The following TLN2 variants were observed in gnomAD, a reference collection of about 807,000 sequenced individuals.
TLN2 encodes talin 2, also known as talin-2.
Under a neutral mutation model 294.7 loss-of-function variants are expected in TLN2, and 118 were observed. That is an observed-to-expected ratio of 0.40 (90% CI 0.34 to 0.47). The LOEUF (loss-of-function observed/expected upper bound fraction) is 0.47. TLN2 is among the 20% of genes least tolerant of loss of function. The pLI is 0.84. For missense variants in TLN2, 3,083 were observed against 3,282.2 expected (o/e 0.94, Z 1.48); for synonymous variants, 1,431 against 1,304.5 (o/e 1.10, Z -2.09).
At chr15:62,779,562 A>T in intron 43 of TLN2, among the ~76,000 whole-genome samples, 1 of 152,212 alleles carries the variant, frequency 6.6e-6, no homozygotes, top group East Asian at 1.9e-4. Flanking sequence ...GACTAGTTAA[A>T]GGTTCTTTGG....
chr15:62,412,496 G>T (rs965852957), intron 1 of TLN2, among the ~76,000 whole-genome samples: 2 of 152,172 alleles, frequency 1.3e-5, no homozygotes, highest in Non-Finnish European at 2.9e-5. Context: ...GGAGACAGGA[G>T]CATGTGTTTT....
intron 1 of TLN2, among the ~76,000 whole-genome samples, chr15:62,402,061 T>C (rs2033064712): frequency 6.6e-6 from 1 of 152,178 alleles, no homozygotes. Flanking sequence ...CTAGTGTCTT[T>C]GAAGTGTTTT....
chr15:62,554,136 A>C (rs1306102635), intron 1 of TLN2, among the ~76,000 whole-genome samples: 1 of 151,922 alleles, frequency 6.6e-6, no homozygotes, highest in Non-Finnish European at 1.5e-5. Context: ...AATTATTACA[A>C]CAGTTGTTTC....
intron 33 of TLN2, among the ~76,000 whole-genome samples, chr15:62,749,737 A>C (rs1410095638): frequency 6.6e-6 from 1 of 152,194 alleles, no homozygotes; most frequent in Non-Finnish European, 1.5e-5. Flanking sequence ...TCCCCAGGAA[A>C]AGTCCCTTAC....
chr15:62,629,298 TA>T (rs2049568302), intron 3 of TLN2, among the ~76,000 whole-genome samples: 1 of 152,202 alleles, frequency 6.6e-6, no homozygotes, highest in African/African-American at 2.4e-5. Flanking sequence ...GTAAATGAGA[TA>T]AACATTGTGT....
chr15:62,697,251 G>T (rs2058406498), intron 14 of TLN2, among the ~76,000 whole-genome samples: 2 of 151,970 alleles, frequency 1.3e-5, no homozygotes, highest in Admixed American at 1.3e-4. Flanking sequence ...AGGACTATAG[G>T]CATGTACCAC....
intron 1 of TLN2, among the ~76,000 whole-genome samples, chr15:62,552,329 A>G (rs1302341632): frequency 6.6e-6 from 1 of 152,214 alleles, no homozygotes; most frequent in African/African-American, 2.4e-5. Flanking sequence ...CACGGATTCC[A>G]TATTTGTCAA....
At chr15:62,394,957 T>G (rs1485226071) in intron 1 of TLN2, among the ~76,000 whole-genome samples, 1 of 152,200 alleles carries the variant, frequency 6.6e-6, no homozygotes. Context: ...GTTTTTCTCT[T>G]AATCAACAAT....
At chr15:62,527,623 C>A (rs922333100) in intron 1 of TLN2, among the ~76,000 whole-genome samples, 2 of 152,200 alleles carry the variant, frequency 1.3e-5, no homozygotes, top group Non-Finnish European at 1.5e-5. Context: ...GTCATTCCTG[C>A]AGCAAAACAA....
At chr15:62,651,438 T>C (rs2052574933) in intron 5 of TLN2, among the ~76,000 whole-genome samples, 2 of 152,170 alleles carry the variant, frequency 1.3e-5, no homozygotes, top group South Asian at 4.1e-4. Flanking sequence ...GTGTTTGGAA[T>C]TTTTCATAAG....
chr15:62,714,754 T>A (rs757221728), intron 22 of TLN2, among the ~76,000 whole-genome samples: 5 of 152,212 alleles, frequency 3.3e-5, no homozygotes, highest in Non-Finnish European at 7.3e-5. Flanking sequence ...AGGATTATAT[T>A]TAATGTGCAG....
In TLN2 at chr15:62,455,777, C is replaced by T. The variant is rs111509788; in HGVS notation, c.-238+65092C>T. Among the ~76,000 whole-genome samples, 249 of 152,308 alleles carry T rather than the reference C, an allele frequency of 1.6e-3. 1 individual carries two copies. The highest frequency in any genetic ancestry group is 5.6e-3 in the African/African-American group (233 of 41,558). ...CCATATGCCTTGATGGGCCCTTTTC[C>T]AGTCCCCTTCTGCTATCTCTCTTGA... On this transcript the variant is annotated intron_variant, in intron 1 of 58. Transcript: ENST00000636159.
At chr15:62,736,331 A>G (rs1425830305) in intron 28 of TLN2, among the ~76,000 whole-genome samples, 1 of 151,784 alleles carries the variant, frequency 6.6e-6, no homozygotes, top group Non-Finnish European at 1.5e-5. Flanking sequence ...AAAAAAAAAA[A>G]CAGTAAAAGT....
At chr15:62,493,520 T>C (rs2038858552) in intron 1 of TLN2, among the ~76,000 whole-genome samples, 1 of 152,162 alleles carries the variant, frequency 6.6e-6, no homozygotes, top group Non-Finnish European at 1.5e-5. Context: ...GAGTGTCTAT[T>C]CTAAGCTTTC....
intron 32 of TLN2, among the ~76,000 whole-genome samples, chr15:62,744,303 A>G (rs2061491721): frequency 1.3e-5 from 2 of 150,476 alleles, no homozygotes; most frequent in Non-Finnish European, 1.5e-5. Context: ...CTTTCATCCA[A>G]CTTCTTTGTA....
At chr15:62,673,991 GT>G (rs2055819258) in intron 10 of TLN2, 101 bp downstream of exon 10, 1 of 789,764 alleles carries the variant, frequency 1.3e-6, no homozygotes, top group Admixed American at 2.4e-5. Flanking sequence ...CCTCGTGCCT[GT>G]ACTCTGATAT....
chr15:62,653,459 C>T, intron 7 of TLN2, 145 bp downstream of exon 7: 2 of 1,049,800 alleles, frequency 1.9e-6, no homozygotes, highest in Non-Finnish European at 2.6e-6. Context: ...GGCTCAGTGG[C>T]TCACTTCTAT....
intron 1 of TLN2, among the ~76,000 whole-genome samples, chr15:62,547,350 G>A (rs976306114): frequency 1.2e-4 from 18 of 152,168 alleles, no homozygotes; most frequent in African/African-American, 4.1e-4. Flanking sequence ...TTGTGGCTAC[G>A]TTGACATCTT....
chr15:62,545,191 G>C (rs992800957), intron 1 of TLN2, among the ~76,000 whole-genome samples: 1 of 152,138 alleles, frequency 6.6e-6, no homozygotes, highest in Non-Finnish European at 1.5e-5. Flanking sequence ...GCCCACCTCG[G>C]CCTTCCGGAG....
Sources: allele counts gnomAD v4.1 joint callset (sites outside exome capture counted in the v4.1 genomes callset), GRCh38; gene constraint gnomAD v4.1.1; transcripts MANE v1.5; gene names NCBI Gene and HGNC (gene_info 2026-07-23, HGNC 2026-07-21).